Variants in RAP1GDS1 observed in about 807,000 individuals in gnomAD.
RAP1GDS1 encodes the protein Rap1 GTPase-GDP dissociation stimulator 1.
In RAP1GDS1, 35 loss-of-function variants were observed where a neutral mutation model predicts 71.1. The ratio of observed to expected loss-of-function variants is 0.49; its 90% CI spans 0.38 to 0.65. The LOEUF (loss-of-function observed/expected upper bound fraction) is 0.65, where lower values mean the gene tolerates loss of function less well. RAP1GDS1 is among the 30% of genes least tolerant of loss of function. The pLI, the probability that RAP1GDS1 is intolerant of heterozygous loss-of-function variation, is 0.00. For missense variants in RAP1GDS1, 663 were observed against 706.1 expected (o/e 0.94, Z 0.69); for synonymous variants, 229 against 243.1 (o/e 0.94, Z 0.54).
chr4:98,354,858 T>G (rs991478214), intron 4 of RAP1GDS1, among the ~76,000 whole-genome samples: 1 of 152,180 alleles, frequency 6.6e-6, no homozygotes, highest in Non-Finnish European at 1.5e-5. Flanking sequence ...AAGTTTGAAG[T>G]CTTAAAAGTG....
intron 2 of RAP1GDS1, among the ~76,000 whole-genome samples, chr4:98,312,742 T>TAG (rs1225391538): frequency 1.3e-5 from 2 of 151,314 alleles, no homozygotes; most frequent in African/African-American, 4.9e-5. Flanking sequence ...TATATATATA[T>TAG]AGAGAGAGAA....
At chr4:98,290,125 ATATC>A (rs1273282075) in intron 1 of RAP1GDS1, among the ~76,000 whole-genome samples, 3 of 152,170 alleles carry the variant, frequency 2.0e-5, no homozygotes, top group South Asian at 2.1e-4. Context: ...TAACAAACAC[ATATC>A]TATCTATATA....
intron 2 of RAP1GDS1, among the ~76,000 whole-genome samples, chr4:98,314,082 G>C (rs2110326753): frequency 6.6e-6 from 1 of 152,222 alleles, no homozygotes; most frequent in African/African-American, 2.4e-5. Context: ...TACTAAAGGA[G>C]CAAGCAGAAT....
intron 6 of RAP1GDS1, among the ~76,000 whole-genome samples, chr4:98,394,112 A>C (rs16996571): frequency 0.057 from 8,650 of 152,230 alleles, 625 homozygotes; most frequent in African/African-American, 0.17. Context: ...GTACAAAGTA[A>C]GGAAATTACA....
intron 3 of RAP1GDS1, 65 bp from the exon 4 acceptor site, chr4:98,352,411 G>T (rs955201911): frequency 2.0e-6 from 3 of 1,538,346 alleles, no homozygotes; most frequent in African/African-American, 2.7e-5. Context: ...TATTTTATTA[G>T]GGGAGATGAT....
chr4:98,282,482 T>C (rs897094711), intron 1 of RAP1GDS1, among the ~76,000 whole-genome samples: 9 of 152,178 alleles, frequency 5.9e-5, no homozygotes, highest in African/African-American at 1.9e-4. Context: ...TTAATGTGTC[T>C]ATTTGATTCT....
At chr4:98,391,381 C>CT (rs1366388446) in intron 5 of RAP1GDS1, among the ~76,000 whole-genome samples, 2 of 152,074 alleles carry the variant, frequency 1.3e-5, no homozygotes, top group African/African-American at 4.8e-5. Flanking sequence ...TTTTAGGTAA[C>CT]TTTTTTTTCT....
chr4:98,318,995 A>G (rs1271726164), intron 2 of RAP1GDS1, among the ~76,000 whole-genome samples: 2 of 152,056 alleles, frequency 1.3e-5, no homozygotes, highest in Non-Finnish European at 2.9e-5. Flanking sequence ...CTGGGGGGGG[A>G]AATGAGGTTC....
At chr4:98,400,539 A>AAC (rs1553997212) in intron 6 of RAP1GDS1, among the ~76,000 whole-genome samples, 3 of 151,188 alleles carry the variant, frequency 2.0e-5, no homozygotes, top group African/African-American at 7.3e-5. Context: ...AAAAAAAAAA[A>AAC]AAAAAAAACG....
intron 2 of RAP1GDS1, among the ~76,000 whole-genome samples, chr4:98,337,377 A>G (rs1734856817): frequency 6.6e-6 from 1 of 152,242 alleles, no homozygotes; most frequent in African/African-American, 2.4e-5. Context: ...TGATTTGGCA[A>G]ATCAGGTCAA....
At chr4:98,380,782 G>A (rs1174790509) in intron 5 of RAP1GDS1, among the ~76,000 whole-genome samples, 2 of 151,582 alleles carry the variant, frequency 1.3e-5, no homozygotes, top group Non-Finnish European at 3.0e-5. Context: ...ACACTAAATG[G>A]GAAAAAGTTT....
At chr4:98,294,392 CTA>C in intron 2 of RAP1GDS1, among the ~76,000 whole-genome samples, 1 of 151,822 alleles carries the variant, frequency 6.6e-6, no homozygotes, top group East Asian at 1.9e-4. Flanking sequence ...TTAGAAAAAT[CTA>C]AAATAATTGA....
chr4:98,278,479 A>G (rs994564260), intron 1 of RAP1GDS1, among the ~76,000 whole-genome samples: 1 of 152,178 alleles, frequency 6.6e-6, no homozygotes, highest in South Asian at 2.1e-4. Context: ...AAATTTAATC[A>G]TAAAAGTAGT....
At chr4:98,419,593 T>C (rs892663839) in intron 10 of RAP1GDS1, among the ~76,000 whole-genome samples, 1 of 152,216 alleles carries the variant, frequency 6.6e-6, no homozygotes, top group Non-Finnish European at 1.5e-5. Flanking sequence ...TACAATTACA[T>C]GATGATCCAA....
chr4:98,314,016 T>C (rs1474782118), intron 2 of RAP1GDS1, among the ~76,000 whole-genome samples: 3 of 152,148 alleles, frequency 2.0e-5, no homozygotes, highest in Non-Finnish European at 2.9e-5. Flanking sequence ...GGTGAGTCCA[T>C]TTTAGATGCT....
At chr4:98,441,292 C>T (rs1751832457) in intron 14 of RAP1GDS1, 1 of 953,512 alleles carries the variant, frequency 1.0e-6, no homozygotes, top group Non-Finnish European at 1.2e-6. Context: ...AGAGTCCTAA[C>T]AGGAATCCTA....
intron 2 of RAP1GDS1, among the ~76,000 whole-genome samples, chr4:98,315,726 A>G (rs1730845007): frequency 6.6e-6 from 1 of 152,140 alleles, no homozygotes; most frequent in Admixed American, 6.5e-5. Flanking sequence ...CATGCTAAAC[A>G]TGATTTTTAC....
At chr4:98,393,949 A>G (rs1744126851) in intron 6 of RAP1GDS1, among the ~76,000 whole-genome samples, 1 of 152,160 alleles carries the variant, frequency 6.6e-6, no homozygotes, top group South Asian at 2.1e-4. Context: ...TGCTCTCATT[A>G]TATTTCTGTT....
At chr4:98,301,003 C>T (rs1728503603) in intron 2 of RAP1GDS1, among the ~76,000 whole-genome samples, 1 of 151,500 alleles carries the variant, frequency 6.6e-6, no homozygotes, top group African/African-American at 2.4e-5. Context: ...TTATTATCAA[C>T]TGTTTTTTTT....
Sources: allele counts gnomAD v4.1 joint callset (sites outside exome capture counted in the v4.1 genomes callset), GRCh38; gene constraint gnomAD v4.1.1; transcripts MANE v1.5; gene names NCBI Gene and HGNC (gene_info 2026-07-23, HGNC 2026-07-21).